The following FMNL2 variants were observed in gnomAD, a reference collection of about 807,000 sequenced individuals.
FMNL2 encodes the protein formin like 2.
Under a neutral mutation model 130.2 loss-of-function variants are expected in FMNL2, and 51 were observed. That is an observed-to-expected ratio of 0.39 (90% CI 0.31 to 0.49). The LOEUF (loss-of-function observed/expected upper bound fraction) is 0.49. Among genes scored for constraint, FMNL2 ranks in the 20% least tolerant of loss-of-function variants. The pLI, the probability that FMNL2 is intolerant of heterozygous loss-of-function variation, is 0.85. For synonymous variants in FMNL2, 465 were observed against 467.1 expected (o/e 1.00, Z 0.06); for missense variants, 977 against 1,316.2 (o/e 0.74, Z 3.99).
intron 10 of FMNL2, among the ~76,000 whole-genome samples, chr2:152,611,141 C>G (rs1319969188): frequency 6.6e-6 from 1 of 152,122 alleles, no homozygotes; most frequent in Non-Finnish European, 1.5e-5. Context: ...GTGTTTGAGA[C>G]CAGCCTGGCC....
In FMNL2 at chr2:152,400,392, C is replaced by T. The variant is rs113021054; in HGVS notation, c.117+64672C>T. 1.6e-4 allele frequency among the ~76,000 whole-genome samples: 25 copies of T among 151,980 alleles called. 1 individual carries two copies. The highest frequency in any genetic ancestry group is 5.5e-4 in the African/African-American group (23 of 41,444). On this transcript the variant is annotated intron_variant, in intron 1 of 25. Transcript: ENST00000288670. ...AGGAGGTTGCAGTGAGCTGAGATCG[C>T]GCCACTGCACTCCAGGCCTGGGTGA...
intron 1 of FMNL2, among the ~76,000 whole-genome samples, chr2:152,392,987 C>T (rs1415671624): frequency 6.6e-6 from 1 of 152,130 alleles, no homozygotes; most frequent in Non-Finnish European, 1.5e-5. Context: ...ACCACTCTTG[C>T]CTGGTGGGTC....
chr2:152,414,686 G>A (rs930477182), intron 1 of FMNL2, among the ~76,000 whole-genome samples: 14 of 152,112 alleles, frequency 9.2e-5, no homozygotes, highest in Admixed American at 2.6e-4. Context: ...TTTAGCTGGA[G>A]AGTTCGAGCT....
At chr2:152,385,990 G>A (rs1258882513) in intron 1 of FMNL2, among the ~76,000 whole-genome samples, 1 of 152,058 alleles carries the variant, frequency 6.6e-6, no homozygotes, top group Non-Finnish European at 1.5e-5. Flanking sequence ...AGTCTAAGAG[G>A]GATATACTCA....
At chr2:152,498,352 T>C (rs955884028) in intron 1 of FMNL2, among the ~76,000 whole-genome samples, 3 of 152,240 alleles carry the variant, frequency 2.0e-5, no homozygotes, top group African/African-American at 7.2e-5. Context: ...TTTTGTTCAA[T>C]TTATTAAAAA....
At chr2:152,588,267 T>A (rs1336319072) in intron 9 of FMNL2, among the ~76,000 whole-genome samples, 1 of 152,246 alleles carries the variant, frequency 6.6e-6, no homozygotes, top group East Asian at 1.9e-4. Context: ...TTCCAGCCCC[T>A]TCCTCCAGCT....
rs951795554 is a variant in FMNL2, at chr2:152,409,112, G to A, written c.117+73392G>A. Among the ~76,000 whole-genome samples the A allele has an allele frequency of 6.6e-5, 10 of 152,188 alleles. 1 individual carries two copies. Among genetic ancestry groups the A allele is most frequent in the Admixed American group, 4.6e-4 (7 of 15,278 alleles). On this transcript the variant is annotated intron_variant, in intron 1 of 25. Transcript: ENST00000288670. The stretch of plus-strand genomic sequence containing the variant: ...AACCTTCGAAGCAGTGTTCGTAGGT[G>A]CATCCTTTCCTTCCTCACCCCATAT...
At chr2:152,423,666 C>G (rs760554035) in intron 1 of FMNL2, among the ~76,000 whole-genome samples, 4 of 152,198 alleles carry the variant, frequency 2.6e-5, no homozygotes, top group Non-Finnish European at 5.9e-5. Context: ...TTACCCTCCT[C>G]TTCTTTGCCT....
intron 22 of FMNL2, among the ~76,000 whole-genome samples, chr2:152,637,213 C>T (rs1302922946): frequency 6.6e-6 from 1 of 152,128 alleles, no homozygotes; most frequent in African/African-American, 2.4e-5. Flanking sequence ...CCCTTTTGAC[C>T]TTGTTGGTTT....
intron 1 of FMNL2, among the ~76,000 whole-genome samples, chr2:152,355,787 T>A (rs1450906430): frequency 6.6e-6 from 1 of 152,242 alleles, no homozygotes. Context: ...TTCTACAACA[T>A]GTTGCTCTGT....
At chr2:152,434,946 C>T (rs1005817108) in intron 1 of FMNL2, among the ~76,000 whole-genome samples, 1 of 152,010 alleles carries the variant, frequency 6.6e-6, no homozygotes, top group Non-Finnish European at 1.5e-5. Context: ...AGTCCACAAA[C>T]ATGTGCTCAG....
chr2:152,620,163 T>A (rs893975492), intron 15 of FMNL2, among the ~76,000 whole-genome samples: 6 of 152,070 alleles, frequency 3.9e-5, no homozygotes, highest in African/African-American at 1.4e-4. Context: ...AAGGGAAACA[T>A]GCTTTTATGT....
At chr2:152,413,173 A>G (rs1686416400) in intron 1 of FMNL2, among the ~76,000 whole-genome samples, 1 of 152,214 alleles carries the variant, frequency 6.6e-6, no homozygotes, top group Admixed American at 6.5e-5. Flanking sequence ...GGACACTAGG[A>G]CAATGAAACC....
At chr2:152,604,473 C>T (rs1243148642) in intron 9 of FMNL2, among the ~76,000 whole-genome samples, 3 of 151,008 alleles carry the variant, frequency 2.0e-5, no homozygotes. Context: ...GTGTGCCTAG[C>T]CCCTCAACCA....
At chr2:152,644,484 G>A (rs1683368620) in intron 25 of FMNL2, among the ~76,000 whole-genome samples, 2 of 152,118 alleles carry the variant, frequency 1.3e-5, no homozygotes, top group Admixed American at 1.3e-4. Context: ...CTTAACACAG[G>A]GAGCCCTTTT....
chr2:152,589,195 T>C (rs1205992880), intron 9 of FMNL2, among the ~76,000 whole-genome samples: 1 of 152,044 alleles, frequency 6.6e-6, no homozygotes, highest in Non-Finnish European at 1.5e-5. Context: ...AATGTAGAGA[T>C]GCTTTGCTTC....
chr2:152,450,722 G>C (rs1045875001), intron 1 of FMNL2, among the ~76,000 whole-genome samples: 1 of 152,152 alleles, frequency 6.6e-6, no homozygotes, highest in Non-Finnish European at 1.5e-5. Context: ...TCCTCCTGCT[G>C]TCTGACCTCC....
intron 16 of FMNL2, 41 bp downstream of exon 16, chr2:152,625,603 G>A (rs1387356661): frequency 6.4e-7 from 1 of 1,570,800 alleles, no homozygotes; most frequent in Non-Finnish European, 8.7e-7. Context: ...TGCACTCTGT[G>A]CAGCAAAGCC....
chr2:152,593,838 G>GGAGAGAGAGAGA (rs147035875), intron 9 of FMNL2, among the ~76,000 whole-genome samples: 89 of 84,920 alleles, frequency 1.0e-3, no homozygotes, highest in Non-Finnish European at 1.1e-3. Flanking sequence ...AGGTGACTAG[G>GGAGAGAGAGAGA]GAGAGAGAGA....
Sources: allele counts gnomAD v4.1 joint callset (sites outside exome capture counted in the v4.1 genomes callset), GRCh38; gene constraint gnomAD v4.1.1; transcripts MANE v1.5; gene names NCBI Gene and HGNC (gene_info 2026-07-23, HGNC 2026-07-21).